The following PWWP3A variants were observed in gnomAD, a reference collection of about 807,000 sequenced individuals.
The protein encoded by PWWP3A is PWWP domain containing 3A, DNA repair factor, also known as PWWP domain-containing DNA repair factor 3A.
A neutral mutation model predicts 79.0 loss-of-function variants in PWWP3A; 53 were observed. That is an observed-to-expected ratio of 0.67 (90% confidence interval 0.54 to 0.84). The LOEUF (loss-of-function observed/expected upper bound fraction) is 0.84, where lower values mean the gene tolerates loss of function less well. Among genes scored for constraint, PWWP3A ranks in the 40% least tolerant of loss-of-function variants. The pLI is 0.00. For missense variants in PWWP3A, 973 were observed against 948.0 expected, an observed-to-expected ratio of 1.03 and a Z score of -0.35; for synonymous variants, 443 against 394.4, an observed-to-expected ratio of 1.12 and a Z score of -1.46.
At chr19:1,361,084 C>T (rs1229060391) in intron 5 of PWWP3A, 52 bp downstream of exon 5, 77 of 1,362,268 alleles carry the variant, frequency 5.7e-5, no homozygotes, top group Middle Eastern at 2.1e-4. Context: ...TCCTGCTCCT[C>T]CGCAGCCAGA....
intron 13 of PWWP3A, among the ~76,000 whole-genome samples, chr19:1,375,525 TAA>T (rs2082352236): frequency 1.4e-4 from 1 of 6,926 alleles, no homozygotes; most frequent in African/African-American, 5.8e-4. Flanking sequence ...TAAAATCATA[TAA>T]TTTATATATT....
intron 3 of PWWP3A, 148 bp downstream of exon 3, chr19:1,357,242 T>C: frequency 1.7e-6 from 1 of 598,878 alleles, no homozygotes; most frequent in Non-Finnish European, 2.9e-6. Context: ...CATAATAACC[T>C]CATGAGAAAG....
chr19:1,365,696 C>T (rs527271356), intron 7 of PWWP3A, among the ~76,000 whole-genome samples: 1 of 152,238 alleles, frequency 6.6e-6, no homozygotes, highest in Non-Finnish European at 1.5e-5. Context: ...GTAGTCTTTC[C>T]CTTGTTTTCA....
At chr19:1,359,483 A>G (rs1363128236) in intron 4 of PWWP3A, 1 of 151,378 alleles carries the variant, frequency 6.6e-6, no homozygotes, top group Non-Finnish European at 1.5e-5. Context: ...TGATTGAGGC[A>G]TTATGCCCGC....
chr19:1,366,425 A>G (rs1215806072), intron 8 of PWWP3A, 44 bp downstream of exon 8: 2 of 1,558,398 alleles, frequency 1.3e-6, no homozygotes, highest in Admixed American at 1.7e-5. Context: ...CTGAGGGGCC[A>G]GGCCGGCCGC....
At chr19:1,371,188 G>A (rs774706396) in intron 12 of PWWP3A, 110 bp downstream of exon 12, 23 of 1,280,982 alleles carry the variant, frequency 1.8e-5, no homozygotes, top group African/African-American at 2.9e-5. Flanking sequence ...CTGGCCGTTC[G>A]GCGGCCAACG....
chr19:1,376,291 G>GTTTTTTTTTTTTTTTTTTTTTT (rs1350699607), intron 13 of PWWP3A, among the ~76,000 whole-genome samples: 7 of 50,858 alleles, frequency 1.4e-4, no homozygotes, highest in South Asian at 6.9e-4. Flanking sequence ...ACGCCCGGCT[G>GTTTTTTTTTTTTTTTTTTTTTT]TTTGTTTTTT....
Position 1,368,332 on chromosome 19 carries a change from T to G in PWWP3A, c.1423-933T>G, listed in dbSNP as rs902557916. 6.6e-6 allele frequency among the ~76,000 whole-genome samples: 1 copy of G among 152,116 alleles called. No homozygotes were observed. Among genetic ancestry groups the G allele is most frequent in the African/African-American group, 2.4e-5 (1 of 41,424 alleles). On this transcript the variant is annotated intron_variant, in intron 9 of 13. Coordinates refer to ENST00000591337, the MANE Select transcript of PWWP3A (RefSeq NM_001369789.1). The surrounding 1 kb of genome is among the most constrained non-coding windows in gnomAD (Gnocchi z 4.7). ...TGCCGTTTATATCAAAAACCCTGGGTTCTGAGAGCACAGGGTGCCCGCTTC... is the reference window on the plus strand; with the variant it reads ...TGCCGTTTATATCAAAAACCCTGGGGTCTGAGAGCACAGGGTGCCCGCTTC...
rs553187031 is a variant in PWWP3A at position 1,378,236 on chromosome 19, C to G, written c.*1660C>G. ...TCAGCAGCGTTGCATGTACGGGCCT[C>G]GTACTGCCTCATGGAAAATCCTCCG... On this transcript the variant is annotated 3_prime_UTR_variant, in exon 14 of 14. Coordinates refer to ENST00000591337, the MANE Select transcript of PWWP3A (RefSeq NM_001369789.1). The G allele has an allele frequency of 6.6e-6, 1 of 152,256 alleles. No homozygotes were observed. The highest frequency in any genetic ancestry group is 2.4e-5 in the African/African-American group (1 of 41,472). 9.4% of individuals were successfully genotyped at this position (152,256 alleles called of 1,614,324 possible). A position where few individuals can be genotyped will look rare whatever the true frequency, so the allele number is the denominator to read the frequency against.
chr19:1,355,230 C>A (rs1269429920), intron 1 of PWWP3A, 95 bp downstream of exon 1: 2 of 152,252 alleles, frequency 1.3e-5, no homozygotes, highest in African/African-American at 4.8e-5. Context: ...CCTAGAGACT[C>A]CTCCGGGAGC....
intron 5 of PWWP3A, chr19:1,362,000 G>A (rs905105021): frequency 5.7e-4 from 193 of 338,070 alleles, no homozygotes; most frequent in Non-Finnish European, 1.7e-4. Flanking sequence ...TGCTGCTTAC[G>A]GCCCGCCTTC....
At position 1,358,685 on chromosome 19, in the gene PWWP3A, C is replaced by A. The variant is rs549020446; in HGVS notation, c.214+221C>A. The A allele has an allele frequency of 5.9e-6, 9 of 1,522,686 alleles. No homozygotes were observed. The African/African-American group carries it at 6.9e-5, about 12-fold the overall frequency. The allele number at this position is 1,522,686 out of a possible 1,614,324, so 94.3% of individuals were successfully genotyped here. ...CCTAGAACCACTCCTATTCTTGACGCCCAGAATGGTCAGTGGTGAGCATCA... is the reference window on the plus strand; with the variant it reads ...CCTAGAACCACTCCTATTCTTGACGACCAGAATGGTCAGTGGTGAGCATCA... On this transcript the variant is annotated intron_variant, in intron 4 of 13. Transcript: ENST00000591337.
At position 1,362,351 on chromosome 19, in the gene PWWP3A, G is replaced by A. The variant is rs914113766; in HGVS notation, c.1213G>A (p.Glu405Lys). 11 of 1,612,820 alleles carry A rather than the reference G, an allele frequency of 6.8e-6. No individual in the cohort carries two copies. The highest frequency in any genetic ancestry group is 1.3e-5 in the African/African-American group (1 of 74,796). The change falls in exon 6 of 14, where the codon GAA becomes AAA. Residue 405 changes from glutamate (E) to lysine (K), a missense_variant and splice_region_variant. Transcript: ENST00000591337. ...EEPPRVLLYH[E>K]PRSFEVGMLV... The stretch of plus-strand genomic sequence containing the variant: ...GCCACCAAGAGTCCTTTTATACCAC[G>A]GTAAGAAATGATCAGGGGGCGCCGG...
chr19:1,356,528 TAG>T (rs2081872153), intron 2 of PWWP3A, 79 bp downstream of exon 2: 1 of 1,361,150 alleles, frequency 7.3e-7, no homozygotes, highest in African/African-American at 1.4e-5. Context: ...AGGAGATACC[TAG>T]GATTTGCTTC....
In PWWP3A at chr19:1,366,298, T is replaced by C. The variant is rs1340226879; in HGVS notation, c.1285-7T>C. ...TTGACGTTTTATTTTCTTGGATTTG[T>C]GAACAGGTCAAAAGCGTCAGGCAGA... On this transcript the variant is annotated splice_polypyrimidine_tract_variant and splice_region_variant and intron_variant, in intron 7 of 13. Transcript: ENST00000591337. 1.9e-6 allele frequency: 3 copies of C among 1,613,930 alleles called. No individual in the cohort carries two copies. Among genetic ancestry groups the C allele is most frequent in the Non-Finnish European group, 2.5e-6 (3 of 1,179,782 alleles).
At chr19:1,366,949 C>T (rs7253125) in intron 8 of PWWP3A, among the ~76,000 whole-genome samples, 1,687 of 152,310 alleles carry the variant, frequency 0.011, 12 homozygotes, top group Non-Finnish European at 0.02. Flanking sequence ...CCTGTCCTGG[C>T]GGGGCCCAGT....
In PWWP3A at chr19:1,362,237, A is replaced by G. The variant is rs777401122; in HGVS notation, c.1112-13A>G. On this transcript the variant is annotated splice_polypyrimidine_tract_variant and intron_variant, in intron 5 of 13. Transcript: ENST00000591337. Reference sequence around the variant, plus strand: ...GCAATGACCATGAAAGTCTAATATCACATTATTGGCAGAGTGCCAGTCTTC... The same window carrying G: ...GCAATGACCATGAAAGTCTAATATCGCATTATTGGCAGAGTGCCAGTCTTC... 13 of 1,602,572 alleles carry G rather than the reference A, an allele frequency of 8.1e-6. No individual in the cohort carries two copies. Among genetic ancestry groups the G allele is most frequent in the Non-Finnish European group, 8.5e-7 (1 of 1,173,568 alleles).
At chr19:1,367,084 A>G in intron 8 of PWWP3A, 76 bp from the exon 9 acceptor site, 1 of 1,243,880 alleles carries the variant, frequency 8.0e-7, no homozygotes, top group Admixed American at 2.0e-5. Flanking sequence ...ACTGATCTTA[A>G]TCAGAGACAG....
rs138381931 is a variant in PWWP3A, at chr19:1,362,583, C to T, written c.1213+232C>T. Among the ~76,000 whole-genome samples, 804 of 152,362 alleles carry T rather than the reference C, an allele frequency of 5.3e-3. 7 individuals are homozygous for T. The highest frequency in any genetic ancestry group is 0.018 in the African/African-American group (768 of 41,586). On this transcript the variant is annotated intron_variant, in intron 6 of 13. Coordinates refer to ENST00000591337, the MANE Select transcript of PWWP3A (RefSeq NM_001369789.1). ...AGACTCCTGGGAAGAGACGGCCCAG[C>T]CCTCCCTGTTAGAGCATTACTCCTG...
Sources: allele counts gnomAD v4.1 joint callset (sites outside exome capture counted in the v4.1 genomes callset), GRCh38; gene constraint gnomAD v4.1.1; non-coding constraint Gnocchi (gnomAD v3.1); transcripts MANE v1.5; gene names NCBI Gene and HGNC (gene_info 2026-07-23, HGNC 2026-07-21).